Variants in PTCD2 observed in about 807,000 individuals in gnomAD.
PTCD2 encodes pentatricopeptide repeat-containing protein 2, mitochondrial.
PTCD2 carries 31 observed loss-of-function variants against 42.6 expected under a neutral mutation model. The observed-to-expected ratio is 0.73, with a 90% CI of 0.55 to 0.98. PTCD2 has a LOEUF of 0.98. Ranked by LOEUF, PTCD2 falls within the 50% of genes least tolerant of loss-of-function variation. The pLI is 0.00. For synonymous variants in PTCD2, 183 were observed against 170.9 expected, an observed-to-expected ratio of 1.07 and a Z score of -0.55; for missense variants, 476 against 454.8, an observed-to-expected ratio of 1.05 and a Z score of -0.42.
In PTCD2 at chr5:72,367,347, C is replaced by G. The variant is rs991819580; in HGVS notation, c.*8920C>G. On this transcript the variant is annotated 3_prime_UTR_variant, in exon 10 of 10. Transcript: ENST00000380639. ...CTCAGGAGGAAGAAAGGACAGATGC[C>G]CTTGTTCAAGATGACTTCTTCATGG... 2.0e-5 allele frequency: 3 copies of G among 152,160 alleles called. No homozygotes were observed. The highest frequency in any genetic ancestry group is 4.4e-5 in the Non-Finnish European group (3 of 68,044). 9.4% of individuals were successfully genotyped at this position (152,160 alleles called of 1,614,324 possible).
In PTCD2 at chr5:72,365,568, A is replaced by G. The variant is rs149428021; in HGVS notation, c.*7141A>G. On this transcript the variant is annotated 3_prime_UTR_variant, in exon 10 of 10. Coordinates refer to ENST00000380639, the MANE Select transcript of PTCD2 (RefSeq NM_024754.5). ...TAATAGTAACAGAATCTGCTGATGT[A>G]TTCTACCGCATCCCAGGGAGACTCA... 4 of 152,342 alleles carry G rather than the reference A, an allele frequency of 2.6e-5. No homozygotes were observed. Among genetic ancestry groups the G allele is most frequent in the East Asian group, 3.9e-4 (2 of 5,180 alleles). 9.4% of individuals were successfully genotyped at this position (152,342 alleles called of 1,614,324 possible). A position where few individuals can be genotyped will look rare whatever the true frequency, so the allele number is the denominator to read the frequency against.
intron 8 of PTCD2, among the ~76,000 whole-genome samples, chr5:72,346,714 G>T (rs1752377095): frequency 1.3e-5 from 2 of 152,204 alleles, no homozygotes; most frequent in African/African-American, 4.8e-5. Flanking sequence ...ACTGGATATG[G>T]ACAGCTCTGG....
At position 72,359,732 on chromosome 5, in the gene PTCD2, C is replaced by A. The variant is rs778559145; in HGVS notation, c.*1305C>A. 1 of 152,086 alleles carries A rather than the reference C, an allele frequency of 6.6e-6. No homozygotes were observed. Among genetic ancestry groups the A allele is most frequent in the Admixed American group, 6.6e-5 (1 of 15,266 alleles). 9.4% of individuals were successfully genotyped at this position (152,086 alleles called of 1,614,324 possible). On this transcript the variant is annotated 3_prime_UTR_variant, in exon 10 of 10. Coordinates refer to ENST00000380639, the MANE Select transcript of PTCD2 (RefSeq NM_024754.5). The stretch of plus-strand genomic sequence containing the variant: ...CACAATCCCACCTGAGGACAGGATC[C>A]GCATATGAGAGTCGCACATTGGTAT...
In PTCD2 at chr5:72,363,614, G is replaced by C. The variant is rs998518675; in HGVS notation, c.*5187G>C. On this transcript the variant is annotated 3_prime_UTR_variant, in exon 10 of 10. Coordinates refer to ENST00000380639, the MANE Select transcript of PTCD2 (RefSeq NM_024754.5). Reference sequence around the variant, plus strand: ...TGTTGGGCCCAGCAGGCCTTTTAGAGGGTCATGCCAGCACCCACTGCTGAG... The same window carrying C: ...TGTTGGGCCCAGCAGGCCTTTTAGACGGTCATGCCAGCACCCACTGCTGAG... 6.6e-6 allele frequency: 1 copy of C among 152,254 alleles called. No individual in the cohort carries two copies. Among genetic ancestry groups the C allele is most frequent in the African/African-American group, 2.4e-5 (1 of 41,530 alleles). The allele number at this position is 152,254 out of a possible 1,614,324, so 9.4% of individuals were successfully genotyped here.
intron 9 of PTCD2, among the ~76,000 whole-genome samples, chr5:72,356,283 A>G (rs1030353859): frequency 1.3e-5 from 2 of 152,250 alleles, no homozygotes; most frequent in Non-Finnish European, 2.9e-5. Context: ...ATATGGCTAA[A>G]GCACCCGAAC....
chr5:72,335,577 C>A, intron 5 of PTCD2: 1 of 415,540 alleles, frequency 2.4e-6, no homozygotes, highest in Non-Finnish European at 4.3e-6. Flanking sequence ...CCAGATTTTA[C>A]TTATGCTAAA....
rs376316764 is a variant in PTCD2, at chr5:72,320,438, A to C, written c.56A>C (p.Gln19Pro). 3.7e-6 allele frequency: 6 copies of C among 1,614,064 alleles called. No homozygotes were observed. The highest frequency in any genetic ancestry group is 5.1e-6 in the Non-Finnish European group (6 of 1,180,016). ...CGGCCCTCGAATCGAGTTCTCCTGC[A>C]GGCGCTGCAGATTTTGGTGTATCCT... ...AFRPSNRVLL[Q>P]ALQILVYPGV... The change falls in exon 1 of 10, where the codon CAG becomes CCG. Residue 19 changes from glutamine to proline, a missense_variant. By Grantham distance (76) the Gln-to-Pro change is moderately conservative. Coordinates refer to ENST00000380639, the MANE Select transcript of PTCD2 (RefSeq NM_024754.5).
intron 3 of PTCD2, among the ~76,000 whole-genome samples, chr5:72,328,524 G>A (rs1270724185): frequency 6.6e-6 from 1 of 152,208 alleles, no homozygotes; most frequent in African/African-American, 2.4e-5. Context: ...CTGGATGGAT[G>A]GAGCCATATG....
chr5:72,351,293 T>C (rs1232359269), intron 8 of PTCD2, among the ~76,000 whole-genome samples: 1 of 152,202 alleles, frequency 6.6e-6, no homozygotes, highest in Non-Finnish European at 1.5e-5. Flanking sequence ...TGGTGGAAGA[T>C]AGGTGGTAGT....
intron 2 of PTCD2, among the ~76,000 whole-genome samples, chr5:72,322,799 T>G (rs1314470822): frequency 6.6e-6 from 1 of 152,248 alleles, no homozygotes; most frequent in African/African-American, 2.4e-5. Context: ...TTTTTCACTC[T>G]GTGCTAGAAA....
Position 72,335,052 on chromosome 5 carries a change from T to C in PTCD2, c.503T>C (p.Phe168Ser). The change falls in exon 5 of 10, where the codon TTC becomes TCC. Residue 168 changes from phenylalanine to serine, a missense_variant. Phe to Ser is a radical substitution (Grantham distance 155). Coordinates refer to ENST00000380639, the MANE Select transcript of PTCD2 (RefSeq NM_024754.5). ...GGTTTCTTCTCAGACTCCACATCAT[T>C]CAATATTTTGATGGATATGTTATTT... is the stretch of plus-strand genomic sequence containing the variant. ...LRGFFSDSTS[F>S]NILMDMLFIK... The C allele has an allele frequency of 6.3e-7, 1 of 1,593,464 alleles. No individual in the cohort carries two copies. Among genetic ancestry groups the C allele is most frequent in the Non-Finnish European group, 8.6e-7 (1 of 1,161,608 alleles).
intron 6 of PTCD2, among the ~76,000 whole-genome samples, chr5:72,336,242 A>G (rs1751733174): frequency 6.6e-6 from 1 of 152,102 alleles, no homozygotes; most frequent in African/African-American, 2.4e-5. Flanking sequence ...TTCATTGGTG[A>G]GCTCAAGGAC....
chr5:72,348,538 A>T (rs1752472549), intron 8 of PTCD2, among the ~76,000 whole-genome samples: 1 of 152,198 alleles, frequency 6.6e-6, no homozygotes, highest in African/African-American at 2.4e-5. Flanking sequence ...TACTGCAATG[A>T]TTTAACAGAT....
At chr5:72,324,341 T>C (rs1471484623) in intron 2 of PTCD2, among the ~76,000 whole-genome samples, 1 of 152,228 alleles carries the variant, frequency 6.6e-6, no homozygotes, top group Non-Finnish European at 1.5e-5. Flanking sequence ...AGTGGTACTC[T>C]GTTGTATACC....
At chr5:72,322,100 C>T in intron 1 of PTCD2, 72 bp from the exon 2 acceptor site, 1 of 768,050 alleles carries the variant, frequency 1.3e-6, no homozygotes, top group Non-Finnish European at 2.3e-6. Flanking sequence ...GGTAATCCAG[C>T]TCTATTCATG....
At chr5:72,321,929 G>A (rs1035278636) in intron 1 of PTCD2, among the ~76,000 whole-genome samples, 4 of 152,114 alleles carry the variant, frequency 2.6e-5, no homozygotes, top group African/African-American at 9.7e-5. Flanking sequence ...ACTAGCTACG[G>A]TTAATCACTA....
intron 2 of PTCD2, among the ~76,000 whole-genome samples, chr5:72,324,700 G>A (rs1382244392): frequency 1.3e-5 from 2 of 152,148 alleles, no homozygotes; most frequent in Non-Finnish European, 2.9e-5. Context: ...TAGTATTCAT[G>A]TGTCACCTCC....
intron 2 of PTCD2, 80 bp from the exon 3 acceptor site, chr5:72,326,532 C>A: frequency 2.0e-6 from 3 of 1,526,892 alleles, no homozygotes; most frequent in South Asian, 1.2e-5. Context: ...CGGGGTTGGG[C>A]TTCCCCATCT....
At position 72,320,434 on chromosome 5, in the gene PTCD2, C is replaced by A; in HGVS notation, c.52C>A (p.Leu18Met). 1.2e-6 allele frequency: 2 copies of A among 1,614,180 alleles called. No homozygotes were observed. Among genetic ancestry groups the A allele is most frequent in the Non-Finnish European group, 8.5e-7 (1 of 1,180,036 alleles). Residue 18 changes from leucine (L) to methionine (M), a missense_variant, in exon 1 of 10, where the codon CTG (leucine) becomes ATG (methionine). Transcript: ENST00000380639. ...AAFRPSNRVL[L>M]QALQILVYPG... is the part of the protein sequence containing the mutation. ...ATTTCGGCCCTCGAATCGAGTTCTC[C>A]TGCAGGCGCTGCAGATTTTGGTGTA...
Sources: gnomAD v4.1 joint callset for allele counts (sites outside exome capture counted in the v4.1 genomes callset) on GRCh38, gnomAD v4.1.1 for gene constraint, MANE v1.5 for transcripts, NCBI Gene and HGNC (gene_info 2026-07-23, HGNC 2026-07-21) for gene names.